XDH: variants seen among roughly 807,000 people sequenced by gnomAD.
XDH encodes xanthine dehydrogenase/oxidase.
In XDH, 138 loss-of-function variants were observed where a neutral mutation model predicts 156.1. That is an observed-to-expected ratio of 0.88 (90% CI 0.77 to 1.02). The LOEUF is 1.02. Among genes scored for constraint, XDH ranks in the 50% least tolerant of loss-of-function variants. The probability of loss-of-function intolerance (pLI) is 0.00; values close to 1 mark genes in which losing one functional copy is unlikely to be tolerated. For missense variants in XDH, 1,849 were observed against 1,684.9 expected (o/e 1.10, Z -1.71); for synonymous variants, 669 against 625.7 (o/e 1.07, Z -1.03).
intron 11 of XDH, among the ~76,000 whole-genome samples, 197 bp from the exon 12 acceptor site, chr2:31,381,923 TTGA>T (rs1686446019): frequency 6.6e-6 from 1 of 152,206 alleles, no homozygotes; most frequent in Non-Finnish European, 1.5e-5. Flanking sequence ...ATCAGAATAC[TTGA>T]GATTGGATCC....
In XDH at chr2:31,398,810, T is replaced by C. The variant is rs1052189444; in HGVS notation, c.307-111A>G. The C allele has an allele frequency of 3.9e-6, 6 of 1,552,380 alleles. No homozygotes were observed. In the South Asian group the frequency reaches 5.6e-5, roughly 15 times the overall value. ...GAGAGATAGTGGGGGTAGTAATCACTGCACAGAGTCAAGCCCCAGTGCCAC... is the reference window on the plus strand; with the variant it reads ...GAGAGATAGTGGGGGTAGTAATCACCGCACAGAGTCAAGCCCCAGTGCCAC... On this transcript the variant is annotated intron_variant, in intron 4 of 35. Transcript: ENST00000379416.
intron 17 of XDH, 34 bp from the exon 18 acceptor site, chr2:31,370,512 G>A (rs749602855): frequency 1.9e-6 from 3 of 1,612,780 alleles, no homozygotes; most frequent in Non-Finnish European, 2.5e-6. Context: ...GGCCAGGTCA[G>A]CAAGCTGGAG....
intron 8 of XDH, 122 bp from the exon 9 acceptor site, chr2:31,386,677 A>AAG (rs1686606329): frequency 1.5e-6 from 2 of 1,330,342 alleles, no homozygotes; most frequent in African/African-American, 1.4e-5. Context: ...ATCTAACAGG[A>AAG]AGAAGCAAGG....
rs1387654062 is a variant in XDH at position 31,335,875 on chromosome 2, T to C, written c.*83A>G. On this transcript the variant is annotated 3_prime_UTR_variant, in exon 36 of 36. Transcript: ENST00000379416. ...CAGGTCTGTCATTCTGTGACTTTAA[T>C]AGATCCATGTTCTGTGGTATGTTCC... 1 of 1,478,202 alleles carries C rather than the reference T, an allele frequency of 6.8e-7. No individual in the cohort carries two copies. The highest frequency in any genetic ancestry group is 2.3e-5 in the East Asian group (1 of 44,220). 91.6% of individuals were successfully genotyped at this position (1,478,202 alleles called of 1,614,324 possible).
rs192835140 is a variant in XDH at position 31,334,596 on chromosome 2, T to C, written c.*1362A>G. 6.6e-6 allele frequency: 1 copy of C among 152,324 alleles called. No homozygotes were observed. Among genetic ancestry groups the C allele is most frequent in the Non-Finnish European group, 1.5e-5 (1 of 68,030 alleles). The allele number at this position is 152,324 out of a possible 1,614,324, so 9.4% of individuals were successfully genotyped here. On this transcript the variant is annotated 3_prime_UTR_variant, in exon 36 of 36. Coordinates refer to ENST00000379416, the MANE Select transcript of XDH (RefSeq NM_000379.4). ...CAGCAGAGTTCATTAGACCCAGGTATCATATGACAGTAAGAAAACCAAGCC... is the reference window on the plus strand; with the variant it reads ...CAGCAGAGTTCATTAGACCCAGGTACCATATGACAGTAAGAAAACCAAGCC...
At chr2:31,382,251 G>T (rs1285010579) in intron 11 of XDH, among the ~76,000 whole-genome samples, 1 of 152,100 alleles carries the variant, frequency 6.6e-6, no homozygotes, top group East Asian at 1.9e-4. Context: ...ATAGATTTTA[G>T]CAGAACTAGG....
At chr2:31,390,527 A>T (rs1404378490) in intron 6 of XDH, among the ~76,000 whole-genome samples, 2 of 152,216 alleles carry the variant, frequency 1.3e-5, no homozygotes, top group African/African-American at 4.8e-5. Flanking sequence ...AGTCAGTTCC[A>T]AGGTGTGTGA....
intron 11 of XDH, 107 bp downstream of exon 11, chr2:31,382,894 C>A: frequency 2.6e-6 from 4 of 1,532,668 alleles, no homozygotes; most frequent in East Asian, 2.3e-5. Context: ...CAACTCTAAG[C>A]GCTAAAGTTT....
chr2:31,366,948 G>C lies in XDH; in HGVS notation c.2244C>G (p.His748Gln). Residue 748 changes from histidine to glutamine, a missense_variant, in exon 21 of 36, where the codon CAC becomes CAG. His to Gln is a conservative substitution (Grantham distance 24). Transcript: ENST00000379416. ...CGCCTTTTGGAACAGCAATGGTGCA[G>C]TGAGTCTCCAGGTAGAAGTGCTCTT... is the stretch of plus-strand genomic sequence containing the variant. ...GGQEHFYLETHCTIAVPKGEA... is the reference protein window; with the variant it reads ...GGQEHFYLETQCTIAVPKGEA... 6.2e-7 allele frequency: 1 copy of C among 1,614,118 alleles called. No homozygotes were observed. The highest frequency in any genetic ancestry group is 8.5e-7 in the Non-Finnish European group (1 of 1,179,934).
intron 1 of XDH, among the ~76,000 whole-genome samples, chr2:31,413,508 T>C (rs975559689): frequency 6.6e-6 from 1 of 152,184 alleles, no homozygotes; most frequent in Admixed American, 6.5e-5. Context: ...AGCACTGACG[T>C]TGAAACAGTT....
chr2:31,339,819 C>A, intron 33 of XDH, 142 bp from the exon 34 acceptor site: 1 of 1,090,152 alleles, frequency 9.2e-7, no homozygotes, highest in South Asian at 1.4e-5. Context: ...TACCTGGCTC[C>A]CGCCTCAGCC....
chr2:31,386,519 C>G lies in XDH; in HGVS notation c.688G>C (p.Glu230Gln). 6.2e-7 allele frequency: 1 copy of G among 1,614,178 alleles called. No individual in the cohort carries two copies. The highest frequency in any genetic ancestry group is 1.1e-5 in the South Asian group (1 of 91,080). ...TGTATCCACGTCACACGCTCCCCTT[C>G]AAATCGCAGCTGCTTCCGAGGAGTG... Reference protein sequence around the residue: ...KDTPRKQLRFEGERVTWIQAS... With the variant: ...KDTPRKQLRFQGERVTWIQAS... Residue 230 changes from glutamate (E) to glutamine (Q), a missense_variant, in exon 9 of 36, where the codon GAA (glutamate) becomes CAA (glutamine). Physicochemically the swap from Glu to Gln is conservative, Grantham distance 29. Transcript: ENST00000379416.
intron 29 of XDH, among the ~76,000 whole-genome samples, chr2:31,347,179 G>A (rs796812675): frequency 1.1e-4 from 17 of 152,330 alleles, no homozygotes; most frequent in African/African-American, 4.1e-4. Context: ...AGGAGCCAGT[G>A]TGGCCAACCT....
intron 15 of XDH, among the ~76,000 whole-genome samples, chr2:31,374,209 C>T (rs1217045801): frequency 1.3e-5 from 2 of 152,060 alleles, no homozygotes; most frequent in Non-Finnish European, 2.9e-5. Flanking sequence ...TTCTCCAACA[C>T]CCCAAACTCT....
chr2:31,335,789 A>G lies in XDH; in HGVS notation c.*169T>C. On this transcript the variant is annotated 3_prime_UTR_variant, in exon 36 of 36. Transcript: ENST00000379416. Reference sequence around the variant, plus strand: ...GCTTATCATTGTGTTTACAAATTACATTTTTGATCAAAATCTTCCATTGCA... The same window carrying G: ...GCTTATCATTGTGTTTACAAATTACGTTTTTGATCAAAATCTTCCATTGCA... 1 of 759,952 alleles carries G rather than the reference A, an allele frequency of 1.3e-6. No individual in the cohort carries two copies. Among genetic ancestry groups the G allele is most frequent in the Non-Finnish European group, 2.2e-6 (1 of 445,994 alleles). 47.1% of individuals were successfully genotyped at this position (759,952 alleles called of 1,614,324 possible).
In XDH at chr2:31,344,724, A is replaced by G. The variant is rs774815989; in HGVS notation, c.3364T>C (p.Tyr1122His). 1.6e-5 allele frequency: 26 copies of G among 1,614,156 alleles called. 1 individual carries two copies. In the South Asian group the frequency reaches 2.5e-4, roughly 16 times the overall value. Residue 1122 changes from tyrosine to histidine, a missense_variant, in exon 31 of 36, where the codon TAC (tyrosine) becomes CAC (histidine). Coordinates refer to ENST00000379416, the MANE Select transcript of XDH (RefSeq NM_000379.4). ...GSWEDWVTAA[Y>H]MDTVSLSATG... ...GCAGACAAGCTCACTGTGTCCATGTAGGCAGCTGTGACCTGAGGAGAGGAG... is the reference window on the plus strand; with the variant it reads ...GCAGACAAGCTCACTGTGTCCATGTGGGCAGCTGTGACCTGAGGAGAGGAG...
At chr2:31,367,088 G>A in intron 20 of XDH, 94 bp from the exon 21 acceptor site, 2 of 1,603,090 alleles carry the variant, frequency 1.2e-6, no homozygotes, top group East Asian at 2.2e-5. Context: ...AGTGGTCTGG[G>A]CAGGAAGCAA....
At chr2:31,377,273 T>C in intron 13 of XDH, 36 bp from the exon 14 acceptor site, 1 of 1,613,198 alleles carries the variant, frequency 6.2e-7, no homozygotes, top group Non-Finnish European at 8.5e-7. Flanking sequence ...TTTTCCACCT[T>C]GCTCTGTAGG....
intron 6 of XDH, among the ~76,000 whole-genome samples, chr2:31,395,790 G>A (rs1045384493): frequency 6.6e-6 from 1 of 152,122 alleles, no homozygotes; most frequent in Non-Finnish European, 1.5e-5. Flanking sequence ...TCCTCTGATG[G>A]ATCTAAAAAC....
Sources: allele counts gnomAD v4.1 joint callset (sites outside exome capture counted in the v4.1 genomes callset), GRCh38; gene constraint gnomAD v4.1.1; transcripts MANE v1.5; gene names NCBI Gene and HGNC (gene_info 2026-07-23, HGNC 2026-07-21).